Variants in RBFOX1 observed in about 807,000 individuals in gnomAD.
RBFOX1 encodes RNA binding fox-1 homolog 1, also known as RNA binding protein fox-1 homolog 1.
A neutral mutation model predicts 57.7 loss-of-function variants in RBFOX1; 8 were observed. The ratio of observed to expected loss-of-function variants is 0.14; its 90% CI spans 0.08 to 0.25. RBFOX1 has a LOEUF of 0.25. RBFOX1 is among the 10% of genes least tolerant of loss of function. The probability of loss-of-function intolerance (pLI) is 1.00; values close to 1 mark genes in which losing one functional copy is unlikely to be tolerated. For synonymous variants in RBFOX1, 326 were observed against 222.4 expected (o/e 1.47, Z -4.15); for missense variants, 611 against 548.5 (o/e 1.11, Z -1.14).
chr16:7,316,103 T>C (rs1338664541), intron 4 of RBFOX1, among the ~76,000 whole-genome samples: 1 of 152,240 alleles, frequency 6.6e-6, no homozygotes, highest in Non-Finnish European at 1.5e-5. Context: ...TAAAATCACA[T>C]TTCCTCTTTA....
intron 3 of RBFOX1, among the ~76,000 whole-genome samples, chr16:6,805,230 C>A (rs1158670637): frequency 6.6e-6 from 1 of 152,144 alleles, no homozygotes; most frequent in African/African-American, 2.4e-5. Context: ...GAGATCCTGT[C>A]TTTTGCAGGA....
intron 2 of RBFOX1, among the ~76,000 whole-genome samples, chr16:5,578,840 C>A (rs1434596128): frequency 7.3e-6 from 1 of 137,606 alleles, no homozygotes; most frequent in Non-Finnish European, 1.6e-5. Context: ...CACACACACA[C>A]ACCCTTTTTT....
intron 3 of RBFOX1, among the ~76,000 whole-genome samples, chr16:6,657,333 T>C (rs1415012675): frequency 1.3e-5 from 2 of 152,166 alleles, no homozygotes; most frequent in Non-Finnish European, 2.9e-5. Flanking sequence ...AGTGAGGTTT[T>C]AGGAGCTTGC....
At chr16:6,945,601 C>G (rs777940927) in intron 3 of RBFOX1, among the ~76,000 whole-genome samples, 20 of 151,996 alleles carry the variant, frequency 1.3e-4, no homozygotes, top group Middle Eastern at 3.2e-3. Context: ...TCAGAATCCG[C>G]TGGTGCTGGC....
intron 1 of RBFOX1, among the ~76,000 whole-genome samples, chr16:6,024,727 C>A (rs1428120433): frequency 2.0e-5 from 3 of 152,144 alleles, no homozygotes; most frequent in Non-Finnish European, 2.9e-5. Flanking sequence ...GTGATCCACC[C>A]GCCTCCTCGG....
intron 4 of RBFOX1, among the ~76,000 whole-genome samples, chr16:5,942,395 A>T (rs776374351): frequency 2.6e-5 from 4 of 152,198 alleles, no homozygotes; most frequent in Non-Finnish European, 4.4e-5. Context: ...GTCATGAGTC[A>T]CGGGTCTGAG....
At chr16:7,344,565 G>C (rs916046436) in intron 4 of RBFOX1, among the ~76,000 whole-genome samples, 7 of 151,176 alleles carry the variant, frequency 4.6e-5, no homozygotes, top group Non-Finnish European at 8.8e-5. Context: ...ACATAGTAAT[G>C]ATTATATGTA....
chr16:6,606,074 A>T (rs772747595), intron 2 of RBFOX1, among the ~76,000 whole-genome samples: 98 of 152,036 alleles, frequency 6.4e-4, no homozygotes, highest in Non-Finnish European at 1.1e-3. Context: ...ACGCCCCTGC[A>T]CTCTAGCCTG....
intron 6 of RBFOX1, among the ~76,000 whole-genome samples, chr16:7,583,994 G>C (rs547550443): frequency 1.8e-4 from 28 of 152,226 alleles, no homozygotes; most frequent in Admixed American, 8.5e-4. Flanking sequence ...CTGTACTTAT[G>C]ACGTTAATGG....
At chr16:7,324,555 T>C (rs2096586691) in intron 4 of RBFOX1, among the ~76,000 whole-genome samples, 1 of 152,172 alleles carries the variant, frequency 6.6e-6, no homozygotes, top group African/African-American at 2.4e-5. Flanking sequence ...TCCTGAGGCA[T>C]TGTTGATCTC....
rs540683457 is a variant in RBFOX1, at chr16:5,296,354, C to T, written c.219+56249C>T. 2.0e-5 allele frequency among the ~76,000 whole-genome samples: 3 copies of T among 152,258 alleles called. No homozygotes were observed. The South Asian group carries it at 6.2e-4, about 32-fold the overall frequency. On this transcript the variant is annotated intron_variant, in intron 1 of 2. Transcript: ENST00000585867. The stretch of plus-strand genomic sequence containing the variant: ...TAGAACAGCAGGAGACAGCTTCCCA[C>T]ACTGTCATGTAAGTCTGCATCCTCA...
chr16:5,325,917 G>C (rs898672032), intron 1 of RBFOX1, among the ~76,000 whole-genome samples: 1 of 152,132 alleles, frequency 6.6e-6, no homozygotes, highest in African/African-American at 2.4e-5. Context: ...TTAAACATAA[G>C]TTTTCATTTC....
At chr16:6,337,318 C>G (rs2083903107) in intron 2 of RBFOX1, among the ~76,000 whole-genome samples, 1 of 152,072 alleles carries the variant, frequency 6.6e-6, no homozygotes, top group Non-Finnish European at 1.5e-5. Flanking sequence ...TTGTGCCGTC[C>G]CAACAGGGAT....
chr16:6,825,882 G>A (rs1603629415), intron 3 of RBFOX1, among the ~76,000 whole-genome samples: 1 of 152,262 alleles, frequency 6.6e-6, no homozygotes, highest in Admixed American at 6.5e-5. Flanking sequence ...TTCTGATGTA[G>A]GTGGCAGCAA....
At chr16:6,717,712 GT>G (rs2065111379) in intron 3 of RBFOX1, among the ~76,000 whole-genome samples, 1 of 151,984 alleles carries the variant, frequency 6.6e-6, no homozygotes, top group African/African-American at 2.4e-5. Context: ...CAGTCACATT[GT>G]TTGGTTATTG....
intron 4 of RBFOX1, among the ~76,000 whole-genome samples, chr16:7,444,236 C>G (rs980231787): frequency 2.0e-5 from 3 of 152,198 alleles, no homozygotes; most frequent in Non-Finnish European, 2.9e-5. Context: ...GTGTAGTTAT[C>G]TATGTTCTAA....
At chr16:6,161,639 C>T (rs1348706949) in intron 1 of RBFOX1, among the ~76,000 whole-genome samples, 1 of 152,182 alleles carries the variant, frequency 6.6e-6, no homozygotes, top group Non-Finnish European at 1.5e-5. Context: ...TGCCCAACAT[C>T]ATTTAGGGTG....
intron 3 of RBFOX1, among the ~76,000 whole-genome samples, chr16:5,756,832 G>C (rs139971809): frequency 6.6e-6 from 1 of 152,106 alleles, no homozygotes; most frequent in Non-Finnish European, 1.5e-5. Flanking sequence ...CAATAATACA[G>C]CTAACAGGTA....
chr16:6,085,137 T>C (rs1479290236), intron 1 of RBFOX1, among the ~76,000 whole-genome samples: 1 of 152,164 alleles, frequency 6.6e-6, no homozygotes, highest in African/African-American at 2.4e-5. Context: ...TTATTTCTGC[T>C]ACTGTGCATG....
Sources: gnomAD v4.1 joint callset for allele counts (sites outside exome capture counted in the v4.1 genomes callset) on GRCh38, gnomAD v4.1.1 for gene constraint, MANE v1.5 for transcripts, NCBI Gene and HGNC (gene_info 2026-07-23, HGNC 2026-07-21) for gene names.